The following GRID2 variants were observed in gnomAD, a reference collection of about 807,000 sequenced individuals.
GRID2 encodes glutamate ionotropic receptor delta type subunit 2.
In GRID2, 33 loss-of-function variants were observed where a neutral mutation model predicts 114.8. That is an observed-to-expected ratio of 0.29 (90% CI 0.22 to 0.38). GRID2 has a LOEUF of 0.38. GRID2 is among the 10% of genes least tolerant of loss of function. The pLI is 1.00. For synonymous variants in GRID2, 505 were observed against 449.9 expected (o/e 1.12, Z -1.55); for missense variants, 1,184 against 1,257.7 (o/e 0.94, Z 0.89).
intron 1 of GRID2, among the ~76,000 whole-genome samples, chr4:92,530,239 C>T (rs937527723): frequency 2.2e-4 from 34 of 151,634 alleles, no homozygotes; most frequent in Admixed American, 1.6e-3. Flanking sequence ...TTGATGAATA[C>T]GGTAATCACA....
chr4:93,649,643 A>T (rs1033073372), intron 14 of GRID2, among the ~76,000 whole-genome samples: 32 of 152,224 alleles, frequency 2.1e-4, no homozygotes, highest in African/African-American at 7.5e-4. Flanking sequence ...CAAAACTAAG[A>T]GTGATATTTT....
chr4:93,526,575 TG>T (rs1350278276), intron 13 of GRID2, among the ~76,000 whole-genome samples: 1 of 152,170 alleles, frequency 6.6e-6, no homozygotes, highest in African/African-American at 2.4e-5. Flanking sequence ...TTTGGGAGGC[TG>T]AGGCGGACAG....
intron 11 of GRID2, among the ~76,000 whole-genome samples, chr4:93,463,765 G>T (rs1186086727): frequency 6.6e-6 from 1 of 151,942 alleles, no homozygotes; most frequent in Non-Finnish European, 1.5e-5. Context: ...CAAGGTGGGT[G>T]GATCAGGAGG....
At chr4:93,241,574 TG>T (rs1156431986) in intron 8 of GRID2, among the ~76,000 whole-genome samples, 1 of 151,880 alleles carries the variant, frequency 6.6e-6, no homozygotes, top group African/African-American at 2.4e-5. Context: ...GCTACCACCT[TG>T]CATAAGGGTT....
rs1274128317 is a variant in GRID2 at position 93,014,367 on chromosome 4, A to T, written c.245-70628A>T. On this transcript the variant is annotated intron_variant, in intron 2 of 15. Transcript: ENST00000282020. ...AGAGATAAGTGGGCATTCTTAGCAG[A>T]GGGAAATGTACACAGATAATAATAT... Among the ~76,000 whole-genome samples, 7 of 152,232 alleles carry T rather than the reference A, an allele frequency of 4.6e-5. No individual in the cohort carries two copies. In the East Asian group the frequency reaches 1.4e-3, roughly 29 times the overall value.
intron 8 of GRID2, among the ~76,000 whole-genome samples, chr4:93,300,119 T>TTG (rs1241729019): frequency 6.6e-6 from 1 of 152,034 alleles, no homozygotes; most frequent in Non-Finnish European, 1.5e-5. Flanking sequence ...TCTCTTCCTT[T>TTG]TGTGTGTGTG....
At chr4:92,836,250 G>C (rs902141164) in intron 2 of GRID2, among the ~76,000 whole-genome samples, 2 of 151,940 alleles carry the variant, frequency 1.3e-5, no homozygotes, top group Non-Finnish European at 2.9e-5. Context: ...TGGTGTATGT[G>C]GATTATAGCT....
At chr4:93,288,570 G>A (rs1753418635) in intron 8 of GRID2, among the ~76,000 whole-genome samples, 1 of 152,070 alleles carries the variant, frequency 6.6e-6, no homozygotes, top group Non-Finnish European at 1.5e-5. Context: ...AAAGAGAATT[G>A]GCTTGCTAAT....
Position 93,185,853 on chromosome 4 carries a change from T to C in GRID2, c.736-21551T>C, listed in dbSNP as rs200702308. ...TGTTGGTTTGCTGCACCCATTAACT[T>C]GTCATTTACATTAGGCATTTATTCT... is the stretch of plus-strand genomic sequence containing the variant. On this transcript the variant is annotated intron_variant, in intron 4 of 15. Transcript: ENST00000282020. Among the ~76,000 whole-genome samples, 106 of 152,218 alleles carry C rather than the reference T, an allele frequency of 7.0e-4. 4 individuals carry two copies. In the East Asian group the frequency reaches 0.011, roughly 16 times the overall value.
chr4:93,019,209 A>G (rs769492978), intron 2 of GRID2, among the ~76,000 whole-genome samples: 4 of 152,202 alleles, frequency 2.6e-5, no homozygotes, highest in Non-Finnish European at 5.9e-5. Context: ...ACACATTCAT[A>G]TACACACACA....
At chr4:92,693,980 G>A (rs1734309282) in intron 2 of GRID2, among the ~76,000 whole-genome samples, 2 of 152,148 alleles carry the variant, frequency 1.3e-5, no homozygotes, top group Admixed American at 1.3e-4. Context: ...GAGAGGTAAG[G>A]CCTTTGAAGC....
intron 13 of GRID2, among the ~76,000 whole-genome samples, chr4:93,515,706 A>T (rs889425012): frequency 1.3e-5 from 2 of 152,160 alleles, no homozygotes; most frequent in African/African-American, 2.4e-5. Flanking sequence ...AGTTTAAAAA[A>T]GTTTTTATAA....
chr4:92,345,331 A>C (rs755531931), intron 1 of GRID2, among the ~76,000 whole-genome samples: 24 of 152,328 alleles, frequency 1.6e-4, no homozygotes, highest in Admixed American at 6.5e-5. Flanking sequence ...GTGTGTCTAT[A>C]CCATGTTTTC....
Position 92,921,047 on chromosome 4 carries a change from C to T in GRID2, c.245-163948C>T, listed in dbSNP as rs527288603. On this transcript the variant is annotated intron_variant, in intron 2 of 15. Coordinates refer to ENST00000282020, the MANE Select transcript of GRID2 (RefSeq NM_001510.4). ...TATTTCTTGGAGGCTTTGTTCATTTCTTTTTATTCTTTTTTTCTCTAAACT... is the reference window on the plus strand; with the variant it reads ...TATTTCTTGGAGGCTTTGTTCATTTTTTTTTATTCTTTTTTTCTCTAAACT... Among the ~76,000 whole-genome samples the T allele has an allele frequency of 3.3e-5, 5 of 152,238 alleles. No homozygotes were observed. The East Asian group carries it at 9.6e-4, about 29-fold the overall frequency.
At chr4:92,965,747 CAT>C (rs989274110) in intron 2 of GRID2, among the ~76,000 whole-genome samples, 1 of 151,768 alleles carries the variant, frequency 6.6e-6, no homozygotes, top group African/African-American at 2.4e-5. Flanking sequence ...GACAGAAGAG[CAT>C]ATTTTCTTCA....
chr4:92,804,973 T>C lies in GRID2; in HGVS notation c.244+214687T>C, dbSNP rs1740341974. Among the ~76,000 whole-genome samples the C allele has an allele frequency of 2.6e-5, 4 of 152,032 alleles. No homozygotes were observed. The South Asian group carries it at 8.3e-4, about 31-fold the overall frequency. On this transcript the variant is annotated intron_variant, in intron 2 of 15. Coordinates refer to ENST00000282020, the MANE Select transcript of GRID2 (RefSeq NM_001510.4). ...GTTATTTGTTATTGCCTAAACTCCA[T>C]TGCTAATACTTATACTGGCTAATAT...
In GRID2 at chr4:92,692,006, A is replaced by G. The variant is rs540508669; in HGVS notation, c.244+101720A>G. Among the ~76,000 whole-genome samples the G allele has an allele frequency of 9.6e-4, 146 of 152,260 alleles. 1 individual carries two copies. Among genetic ancestry groups the G allele is most frequent in the African/African-American group, 3.5e-3 (144 of 41,538 alleles). On this transcript the variant is annotated intron_variant, in intron 2 of 15. Transcript: ENST00000282020. Reference sequence around the variant, plus strand: ...AGAACTGTTGCTTCATTTTATTATAATGAAAATAACTTAGAGACAAAAAGC... The same window carrying G: ...AGAACTGTTGCTTCATTTTATTATAGTGAAAATAACTTAGAGACAAAAAGC...
intron 2 of GRID2, among the ~76,000 whole-genome samples, chr4:92,806,748 T>C (rs1210030087): frequency 1.3e-5 from 2 of 151,968 alleles, no homozygotes; most frequent in Non-Finnish European, 2.9e-5. Flanking sequence ...CTTTCAAAAC[T>C]TCTGCAAATA....
intron 8 of GRID2, among the ~76,000 whole-genome samples, chr4:93,307,214 A>T (rs1755526075): frequency 6.7e-6 from 1 of 149,742 alleles, no homozygotes. Context: ...AAAGAAAAAA[A>T]TAAAAAAAAA....
Sources: gnomAD v4.1 joint callset for allele counts (sites outside exome capture counted in the v4.1 genomes callset) on GRCh38, gnomAD v4.1.1 for gene constraint, MANE v1.5 for transcripts, NCBI Gene and HGNC (gene_info 2026-07-23, HGNC 2026-07-21) for gene names.